LDLRAD4: variants seen among roughly 807,000 people sequenced by gnomAD.
LDLRAD4 encodes low density lipoprotein receptor class A domain containing 4, also known as low-density lipoprotein receptor class A domain-containing protein 4.
A neutral mutation model predicts 17.0 loss-of-function variants in LDLRAD4; 5 were observed. That is an observed-to-expected ratio of 0.29 (90% CI 0.15 to 0.62). The LOEUF (loss-of-function observed/expected upper bound fraction) is 0.62. Among genes scored for constraint, LDLRAD4 ranks in the 20% least tolerant of loss-of-function variants. LDLRAD4 has a pLI of 0.84. For synonymous variants in LDLRAD4, 168 were observed against 171.8 expected (o/e 0.98, Z 0.17); for missense variants, 340 against 424.7 (o/e 0.80, Z 1.75).
At chr18:13,608,685 C>T (rs2095247963) in intron 3 of LDLRAD4, among the ~76,000 whole-genome samples, 1 of 152,146 alleles carries the variant, frequency 6.6e-6, no homozygotes, top group South Asian at 2.1e-4. Flanking sequence ...CAACTGGTAG[C>T]CGATCCTTAA....
intron 1 of LDLRAD4, among the ~76,000 whole-genome samples, chr18:13,378,419 G>C (rs2085089065): frequency 1.3e-5 from 2 of 152,152 alleles, no homozygotes; most frequent in Non-Finnish European, 2.9e-5. Flanking sequence ...GGAAGCTTGA[G>C]AGGTGCATGT....
chr18:13,272,483 A>G (rs1482904387), intron 1 of LDLRAD4, among the ~76,000 whole-genome samples: 3 of 152,120 alleles, frequency 2.0e-5, no homozygotes, highest in Non-Finnish European at 4.4e-5. Flanking sequence ...CTATTTGGGG[A>G]GAAGAACACT....
intron 3 of LDLRAD4, among the ~76,000 whole-genome samples, chr18:13,508,453 T>G (rs1310994011): frequency 1.3e-5 from 2 of 152,220 alleles, no homozygotes; most frequent in African/African-American, 4.8e-5. Context: ...GAGAGGTCAA[T>G]GCCTGGCCTC....
chr18:13,581,636 T>G (rs1395025003), intron 3 of LDLRAD4, among the ~76,000 whole-genome samples: 1 of 152,218 alleles, frequency 6.6e-6, no homozygotes, highest in Non-Finnish European at 1.5e-5. Flanking sequence ...TCCAGCAATT[T>G]GAACCTGGTA....
intron 1 of LDLRAD4, among the ~76,000 whole-genome samples, chr18:13,254,689 G>A (rs1409694333): frequency 1.3e-5 from 2 of 152,248 alleles, no homozygotes; most frequent in Non-Finnish European, 2.9e-5. Flanking sequence ...CATACTGGGC[G>A]TGGTGGCCCA....
intron 2 of LDLRAD4, among the ~76,000 whole-genome samples, chr18:13,411,113 G>A (rs1448403100): frequency 6.6e-6 from 1 of 152,122 alleles, no homozygotes; most frequent in Non-Finnish European, 1.5e-5. Flanking sequence ...TTAGCTGGGT[G>A]TTGTGGCATG....
chr18:13,424,853 A>G (rs762673456), intron 2 of LDLRAD4, among the ~76,000 whole-genome samples: 3 of 152,176 alleles, frequency 2.0e-5, no homozygotes, highest in African/African-American at 4.8e-5. Flanking sequence ...GATTTAGGAA[A>G]GACTCAGGAA....
intron 1 of LDLRAD4, among the ~76,000 whole-genome samples, chr18:13,384,512 G>A (rs759473808): frequency 2.0e-5 from 3 of 152,136 alleles, no homozygotes; most frequent in Non-Finnish European, 4.4e-5. Flanking sequence ...TCACTAAAAC[G>A]TATTCCTCCA....
chr18:13,390,616 T>TG (rs1479027700), intron 2 of LDLRAD4, among the ~76,000 whole-genome samples: 1 of 151,846 alleles, frequency 6.6e-6, no homozygotes, highest in Non-Finnish European at 1.5e-5. Flanking sequence ...AGCAGAGCAG[T>TG]GTTCAGAGAG....
intron 1 of LDLRAD4, among the ~76,000 whole-genome samples, chr18:13,297,187 G>A (rs150501417): frequency 1.5e-3 from 222 of 152,276 alleles, no homozygotes; most frequent in Non-Finnish European, 2.7e-3. Flanking sequence ...CTCTGTCCCC[G>A]AGGATGTTCG....
intron 1 of LDLRAD4, among the ~76,000 whole-genome samples, chr18:13,250,046 A>G (rs1332324987): frequency 6.6e-6 from 1 of 152,210 alleles, no homozygotes; most frequent in Admixed American, 6.5e-5. Flanking sequence ...TTACATAGGT[A>G]AACGTGCCTA....
chr18:13,473,659 A>ATG (rs2092846245), intron 3 of LDLRAD4, among the ~76,000 whole-genome samples: 1 of 105,832 alleles, frequency 9.4e-6, no homozygotes, highest in Non-Finnish European at 1.9e-5. Flanking sequence ...ATATATATAT[A>ATG]TATATATATA....
At chr18:13,460,246 G>A (rs569090729) in intron 3 of LDLRAD4, among the ~76,000 whole-genome samples, 1 of 152,256 alleles carries the variant, frequency 6.6e-6, no homozygotes, top group East Asian at 1.9e-4. Flanking sequence ...AGGCTTGAGT[G>A]CAGTGGCGCT....
intron 3 of LDLRAD4, among the ~76,000 whole-genome samples, chr18:13,492,847 G>A (rs1356443806): frequency 1.3e-5 from 2 of 152,098 alleles, no homozygotes; most frequent in African/African-American, 4.8e-5. Flanking sequence ...AGAGGAGAAC[G>A]GGCTGGGTGC....
intron 1 of LDLRAD4, among the ~76,000 whole-genome samples, chr18:13,285,302 C>A (rs1425460083): frequency 3.9e-5 from 6 of 152,120 alleles, no homozygotes; most frequent in Non-Finnish European, 1.5e-5. Flanking sequence ...AGAGCACTTG[C>A]AGTGGAGCAC....
rs1473249430 is a variant in LDLRAD4 at position 13,300,439 on chromosome 18, G to A, written c.-383+22251G>A. Among the ~76,000 whole-genome samples, 12 of 152,286 alleles carry A rather than the reference G, an allele frequency of 7.9e-5. No individual in the cohort carries two copies. Among genetic ancestry groups the A allele is most frequent in the South Asian group, 2.1e-4 (1 of 4,820 alleles). ...TTTTTCCCAAGGACATGACATTCGC[G>A]GGGTCAGCCATGACTGCTGCCCCAA... On this transcript the variant is annotated intron_variant, in intron 1 of 5. Transcript: ENST00000359446. This position sits in a 1 kb window ranked among gnomAD's most constrained non-coding sequence, Gnocchi z 4.2.
chr18:13,495,192 A>T (rs1024949677), intron 3 of LDLRAD4, among the ~76,000 whole-genome samples: 5 of 152,172 alleles, frequency 3.3e-5, no homozygotes, highest in Non-Finnish European at 7.3e-5. Context: ...GTAAATCTAC[A>T]GTTTCATCAT....
At chr18:13,336,308 T>C (rs2082102842) in intron 1 of LDLRAD4, among the ~76,000 whole-genome samples, 1 of 152,200 alleles carries the variant, frequency 6.6e-6, no homozygotes, top group African/African-American at 2.4e-5. Context: ...AAGTCCAATT[T>C]TACTAGAATA....
intron 2 of LDLRAD4, among the ~76,000 whole-genome samples, chr18:13,406,810 G>A (rs1044878019): frequency 4.6e-5 from 7 of 152,126 alleles, no homozygotes; most frequent in East Asian, 1.9e-4. Flanking sequence ...GCACACTCAC[G>A]GGAGGAAGCC....
Sources: gnomAD v4.1 joint callset for allele counts (sites outside exome capture counted in the v4.1 genomes callset) on GRCh38, gnomAD v4.1.1 for gene constraint, Gnocchi (gnomAD v3.1) non-coding constraint, MANE v1.5 for transcripts, NCBI Gene and HGNC (gene_info 2026-07-23, HGNC 2026-07-21) for gene names.